Variants in TMEM272 observed in about 807,000 individuals in gnomAD.
The protein encoded by TMEM272 is long intergenic non-protein coding RNA 282.
TMEM272 carries 8 observed loss-of-function variants against 3.7 expected under a neutral mutation model. That is an observed-to-expected ratio of 2.17 (90% CI 1.27 to 3.91). The LOEUF (loss-of-function observed/expected upper bound fraction) is 3.91. Ranked by LOEUF, TMEM272 falls within the 30% of genes most tolerant of loss-of-function variation. TMEM272 has a pLI of 0.00. For missense variants in TMEM272, 166 were observed against 91.5 expected, an observed-to-expected ratio of 1.81 and a Z score of -3.32; for synonymous variants, 63 against 39.8, an observed-to-expected ratio of 1.58 and a Z score of -2.20.
chr13:51,875,728 C>T, the TMEM272 span, among the ~76,000 whole-genome samples: 1 of 152,304 alleles, frequency 6.6e-6, no homozygotes, highest in South Asian at 2.1e-4. Context: ...GCAGGCGCTG[C>T]TGATCAGGGC....
At chr13:51,901,089 T>C in the TMEM272 span, among the ~76,000 whole-genome samples, 6 of 152,224 alleles carry the variant, frequency 3.9e-5, no homozygotes, top group Non-Finnish European at 8.8e-5. Flanking sequence ...TTATAAACTT[T>C]AGAGGGGTGA....
the TMEM272 span, among the ~76,000 whole-genome samples, chr13:51,874,050 A>C: frequency 6.6e-5 from 10 of 152,328 alleles, no homozygotes; most frequent in Admixed American, 4.6e-4. Flanking sequence ...GTGAAGAGAA[A>C]GATGCCATAT....
chr13:51,832,098 TCC>T (rs373969333), intron 2 of TMEM272, among the ~76,000 whole-genome samples: 165 of 152,288 alleles, frequency 1.1e-3, no homozygotes, highest in African/African-American at 3.9e-3. Context: ...AAGGGTGCCC[TCC>T]TCAGGGTGGC....
chr13:51,927,627 C>A, the TMEM272 span, among the ~76,000 whole-genome samples: 1 of 152,218 alleles, frequency 6.6e-6, no homozygotes, highest in Non-Finnish European at 1.5e-5. Context: ...TCTCCACACT[C>A]TTGTTCACTA....
At chr13:51,882,551 G>C in the TMEM272 span, among the ~76,000 whole-genome samples, 1 of 152,114 alleles carries the variant, frequency 6.6e-6, no homozygotes, top group African/African-American at 2.4e-5. Flanking sequence ...TGAACCAACA[G>C]TTATAAAAGT....
chr13:51,821,020 A>G (rs1469561783), intron 4 of TMEM272, among the ~76,000 whole-genome samples: 1 of 152,232 alleles, frequency 6.6e-6, no homozygotes, highest in Non-Finnish European at 1.5e-5. Flanking sequence ...CCAATTGCAT[A>G]TGAGAACAGC....
the TMEM272 span, chr13:51,908,364 G>A: frequency 0.015 from 19,616 of 1,302,978 alleles, 71 homozygotes; most frequent in East Asian, 0.031. Flanking sequence ...AAAACCCCTC[G>A]GTGGACAGAC....
chr13:51,886,259 A>G, the TMEM272 span, among the ~76,000 whole-genome samples: 5 of 152,244 alleles, frequency 3.3e-5, no homozygotes, highest in Admixed American at 1.3e-4. Flanking sequence ...AGTTGGGATT[A>G]AAAAGCCAGC....
chr13:51,839,125 G>T (rs1319729691), intron 1 of TMEM272, among the ~76,000 whole-genome samples: 1 of 152,048 alleles, frequency 6.6e-6, no homozygotes, highest in African/African-American at 2.4e-5. Flanking sequence ...CCATGGACTT[G>T]ACCAGAGCAG....
At chr13:51,899,255 C>T in the TMEM272 span, among the ~76,000 whole-genome samples, 1 of 152,024 alleles carries the variant, frequency 6.6e-6, no homozygotes, top group South Asian at 2.1e-4. Context: ...AAACAATTTA[C>T]AATAGCATCT....
the TMEM272 span, among the ~76,000 whole-genome samples, chr13:51,924,521 T>C: frequency 1.8e-4 from 28 of 152,156 alleles, no homozygotes; most frequent in African/African-American, 6.5e-4. Context: ...ATCTGCCCTG[T>C]TATTCTTCCT....
chr13:51,874,982 G>C, the TMEM272 span, among the ~76,000 whole-genome samples: 1 of 152,158 alleles, frequency 6.6e-6, no homozygotes, highest in East Asian at 1.9e-4. Context: ...CTCAGAGCTG[G>C]TTGCTTAGCA....
chr13:51,930,120 T>C, the TMEM272 span, among the ~76,000 whole-genome samples: 6 of 111,652 alleles, frequency 5.4e-5, no homozygotes, highest in African/African-American at 1.5e-4. Flanking sequence ...GGAGGGAGTA[T>C]TTGCCTTCCC....
the TMEM272 span, among the ~76,000 whole-genome samples, chr13:51,929,864 C>T: frequency 1.3e-5 from 2 of 152,232 alleles, no homozygotes; most frequent in Admixed American, 1.3e-4. Flanking sequence ...GCCCAGGCAC[C>T]CAGCACTCAG....
At chr13:51,883,903 GTTTTATATTCCAGCT>G in the TMEM272 span, among the ~76,000 whole-genome samples, 2 of 152,118 alleles carry the variant, frequency 1.3e-5, no homozygotes, top group Non-Finnish European at 2.9e-5. Flanking sequence ...TTCCTTTGTC[GTTTTATATTCCAGCT>G]TTCATCCATT....
At chr13:51,850,871 C>CA in the TMEM272 span, among the ~76,000 whole-genome samples, 1 of 152,172 alleles carries the variant, frequency 6.6e-6, no homozygotes, top group Admixed American at 6.5e-5. Flanking sequence ...AGCACTTCTA[C>CA]AAAAATAAAA....
chr13:51,924,341 G>A, the TMEM272 span, among the ~76,000 whole-genome samples: 3 of 152,168 alleles, frequency 2.0e-5, no homozygotes, highest in Admixed American at 6.5e-5. Context: ...GATCACTTGA[G>A]CCCATGAGTT....
At chr13:51,845,470 C>G (rs1370750464), upstream of TMEM272, among the ~76,000 whole-genome samples, 1 of 152,240 alleles carries the variant, frequency 6.6e-6, no homozygotes, top group East Asian at 1.9e-4. Context: ...GTGGACCGAA[C>G]AGCGGCTGCT....
the TMEM272 span, among the ~76,000 whole-genome samples, chr13:51,903,700 A>T: frequency 6.6e-6 from 1 of 152,216 alleles, no homozygotes. Flanking sequence ...TGCTATTTCC[A>T]GACTTCAGTG....
Sources: allele counts gnomAD v4.1 joint callset (sites outside exome capture counted in the v4.1 genomes callset), GRCh38; gene constraint gnomAD v4.1.1; transcripts MANE v1.5; gene names NCBI Gene and HGNC (gene_info 2026-07-23, HGNC 2026-07-21).